ZFYVE9: variants seen among roughly 807,000 people sequenced by gnomAD.
ZFYVE9 encodes the protein zinc finger FYVE-type containing 9.
In ZFYVE9, 43 loss-of-function variants were observed where a neutral mutation model predicts 126.7. The ratio of observed to expected loss-of-function variants is 0.34; its 90% CI spans 0.27 to 0.44. The LOEUF is 0.44. Among genes scored for constraint, ZFYVE9 ranks in the 20% least tolerant of loss-of-function variants. The pLI, the probability that ZFYVE9 is intolerant of heterozygous loss-of-function variation, is 1.00. For synonymous variants in ZFYVE9, 521 were observed against 597.4 expected (o/e 0.87, Z 1.87); for missense variants, 1,476 against 1,697.0 (o/e 0.87, Z 2.29).
At chr1:52,302,883 G>A (rs1646048717) in intron 12 of ZFYVE9, among the ~76,000 whole-genome samples, 1 of 152,084 alleles carries the variant, frequency 6.6e-6, no homozygotes, top group Non-Finnish European at 1.5e-5. Flanking sequence ...ACCGAGGCAG[G>A]TGGATCACCT....
chr1:52,326,238 A>G (rs1646290809), intron 13 of ZFYVE9, among the ~76,000 whole-genome samples: 1 of 152,190 alleles, frequency 6.6e-6, no homozygotes, highest in Non-Finnish European at 1.5e-5. Context: ...TAATTTCATT[A>G]TCTTATAAGA....
intron 5 of ZFYVE9, among the ~76,000 whole-genome samples, chr1:52,264,936 T>C (rs1463502072): frequency 6.6e-6 from 1 of 152,242 alleles, no homozygotes; most frequent in African/African-American, 2.4e-5. Context: ...ACTTGGTTGC[T>C]CAATTGATGA....
chr1:52,278,251 A>C (rs183978995), intron 8 of ZFYVE9, among the ~76,000 whole-genome samples: 29 of 152,314 alleles, frequency 1.9e-4, no homozygotes, highest in African/African-American at 6.7e-4. Flanking sequence ...CACTGTGGGG[A>C]GAGGTCTATA....
At chr1:52,175,031 A>G (rs947596223) in intron 1 of ZFYVE9, among the ~76,000 whole-genome samples, 3 of 152,056 alleles carry the variant, frequency 2.0e-5, no homozygotes, top group Non-Finnish European at 2.9e-5. Context: ...TTATGTGTGA[A>G]TTTGATCCTG....
intron 1 of ZFYVE9, chr1:52,160,639 C>A: frequency 1.5e-6 from 1 of 645,754 alleles, no homozygotes; most frequent in South Asian, 2.0e-5. Context: ...TGGTGTTGAT[C>A]TCCTGACCTC....
At chr1:52,317,804 C>T (rs1328795548) in intron 13 of ZFYVE9, among the ~76,000 whole-genome samples, 3 of 151,988 alleles carry the variant, frequency 2.0e-5, no homozygotes, top group Non-Finnish European at 4.4e-5. Flanking sequence ...GGTCAGTGTG[C>T]GTTCAACTTA....
At chr1:52,250,970 C>T (rs939852201) in intron 4 of ZFYVE9, among the ~76,000 whole-genome samples, 7 of 152,074 alleles carry the variant, frequency 4.6e-5, no homozygotes, top group African/African-American at 1.7e-4. Context: ...TCTTGGCCTC[C>T]CAAAGTGCTA....
rs956119083 is a variant in ZFYVE9, at chr1:52,315,464, G to T, written c.3438+11539G>T. On this transcript the variant is annotated intron_variant, in intron 13 of 18. Transcript: ENST00000287727. Reference sequence around the variant, plus strand: ...AACATATATTAAATAGTAATGTATTGCGGAATTTATACCATATGTAGAGAC... The same window carrying T: ...AACATATATTAAATAGTAATGTATTTCGGAATTTATACCATATGTAGAGAC... Among the ~76,000 whole-genome samples the T allele has an allele frequency of 8.5e-5, 13 of 152,088 alleles. No homozygotes were observed. In the South Asian group the frequency reaches 2.3e-3, roughly 27 times the overall value.
At chr1:52,158,578 G>A (rs757012240) in intron 1 of ZFYVE9, among the ~76,000 whole-genome samples, 4 of 152,190 alleles carry the variant, frequency 2.6e-5, no homozygotes, top group Non-Finnish European at 2.9e-5. Context: ...TGACCTTGGC[G>A]TAACAAACCT....
At chr1:52,333,646 T>C (rs1027630285) in intron 14 of ZFYVE9, among the ~76,000 whole-genome samples, 1 of 152,184 alleles carries the variant, frequency 6.6e-6, no homozygotes, top group Non-Finnish European at 1.5e-5. Context: ...TCTTGTTTAA[T>C]AGATTTAATC....
At chr1:52,302,383 C>A (rs187742805) in intron 12 of ZFYVE9, among the ~76,000 whole-genome samples, 3 of 152,304 alleles carry the variant, frequency 2.0e-5, no homozygotes, top group African/African-American at 7.2e-5. Flanking sequence ...AATTTAGAAT[C>A]ATCTTTAACT....
At chr1:52,299,153 T>C (rs560671926) in intron 12 of ZFYVE9, among the ~76,000 whole-genome samples, 101 of 152,332 alleles carry the variant, frequency 6.6e-4, no homozygotes, top group Non-Finnish European at 1.2e-3. Flanking sequence ...CTTTTACCTC[T>C]TAACTAAGTG....
rs551147762 is a variant in ZFYVE9 at position 52,298,750 on chromosome 1, T to TTTCACGGTATTAATTC, written c.3333+2777_3333+2792dup. On this transcript the variant is annotated intron_variant, in intron 12 of 18. Coordinates refer to ENST00000287727, the MANE Select transcript of ZFYVE9 (RefSeq NM_004799.4). ...AGATACCTTTGGGTAGTATGGCTATTTTCACGGTATTAATTCTTCCAATCC... is the reference window on the plus strand; with the variant it reads ...AGATACCTTTGGGTAGTATGGCTATTTTCACGGTATTAATTCTTCACGGTATTAATTCTTCCAATCC... 6.2e-4 allele frequency among the ~76,000 whole-genome samples: 95 copies of TTTCACGGTATTAATTC among 152,170 alleles called. 2 individuals carry two copies. The East Asian group carries it at 0.018, about 28-fold the overall frequency.
intron 15 of ZFYVE9, chr1:52,334,970 A>C: frequency 2.3e-6 from 1 of 438,232 alleles, no homozygotes. Context: ...ATGACATTAA[A>C]ACTAGGAGAT....
chr1:52,158,443 A>G (rs1644423071), intron 1 of ZFYVE9, among the ~76,000 whole-genome samples: 1 of 152,220 alleles, frequency 6.6e-6, no homozygotes, highest in African/African-American at 2.4e-5. Flanking sequence ...GCTGCTGCGC[A>G]GCAGGGAGTG....
At chr1:52,178,278 C>CAAA (rs78982846) in intron 1 of ZFYVE9, among the ~76,000 whole-genome samples, 6 of 19,586 alleles carry the variant, frequency 3.1e-4, no homozygotes, top group South Asian at 3.2e-3. Context: ...GACTCCATCT[C>CAAA]AAAAAAAAAA....
rs1007044798 is a variant in ZFYVE9, at chr1:52,281,805, A to G, written c.3014A>G (p.Asp1005Gly). Residue 1005 changes from aspartate to glycine, a missense_variant, in exon 10 of 19, where the codon GAT (aspartate) becomes GGT (glycine). This residue lies in a region of ZFYVE9 where 669 missense variants were observed against 902.4 expected (regional missense o/e 0.74). Coordinates refer to ENST00000287727, the MANE Select transcript of ZFYVE9 (RefSeq NM_004799.4). ...AATCACTTTGTGCAGCTTTATCGGG[A>G]TGCTCTGGCAGGTAGGAATGCTTTA... ...IFNHFVQLYR[D>G]ALAGNVVSNL... The G allele has an allele frequency of 1.2e-6, 2 of 1,614,036 alleles. No individual in the cohort carries two copies. Among genetic ancestry groups the G allele is most frequent in the Non-Finnish European group, 1.7e-6 (2 of 1,180,026 alleles).
intron 13 of ZFYVE9, among the ~76,000 whole-genome samples, chr1:52,328,217 C>G (rs952435695): frequency 1.3e-5 from 2 of 152,086 alleles, no homozygotes; most frequent in African/African-American, 4.8e-5. Flanking sequence ...TGAATCAGAA[C>G]TGATAGAGAT....
In ZFYVE9 at chr1:52,160,658, C is replaced by T. The variant is rs192299654; in HGVS notation, c.-143+18255C>T. On this transcript the variant is annotated intron_variant, in intron 1 of 18. Coordinates refer to ENST00000287727, the MANE Select transcript of ZFYVE9 (RefSeq NM_004799.4). ...GTTGATCTCCTGACCTCGTGATCCG[C>T]CTGCGTCGGCCTCCTGCAGTGCTGG... is the stretch of plus-strand genomic sequence containing the variant. The T allele has an allele frequency of 2.7e-3, 1,590 of 599,492 alleles. 6 individuals are homozygous for T. Among genetic ancestry groups the T allele is most frequent in the Middle Eastern group, 5.0e-3 (13 of 2,588 alleles). 37.1% of individuals were successfully genotyped at this position (599,492 alleles called of 1,614,324 possible).
Sources: gnomAD v4.1 joint callset for allele counts (sites outside exome capture counted in the v4.1 genomes callset) on GRCh38, gnomAD v4.1.1 for gene constraint, gnomAD v4.1.1 regional missense constraint, MANE v1.5 for transcripts, NCBI Gene and HGNC (gene_info 2026-07-23, HGNC 2026-07-21) for gene names.